Variants in MSRB2 observed in about 807,000 individuals in gnomAD.
MSRB2 encodes the protein methionine sulfoxide reductase B2, also known as methionine-R-sulfoxide reductase B2, mitochondrial.
Under a neutral mutation model 19.0 loss-of-function variants are expected in MSRB2, and 17 were observed. The ratio of observed to expected loss-of-function variants is 0.89; its 90% CI spans 0.61 to 1.34. The LOEUF (loss-of-function observed/expected upper bound fraction) is 1.34, where lower values mean the gene tolerates loss of function less well. MSRB2 is among the 40% of genes most tolerant of loss of function. MSRB2 has a pLI of 0.00. For synonymous variants in MSRB2, 107 were observed against 99.7 expected (o/e 1.07, Z -0.44); for missense variants, 208 against 237.6 (o/e 0.88, Z 0.82).
intron 1 of MSRB2, among the ~76,000 whole-genome samples, chr10:23,100,807 C>G (rs867606354): frequency 1.3e-5 from 2 of 152,156 alleles, no homozygotes; most frequent in African/African-American, 4.8e-5. Context: ...CAAACCATAT[C>G]AGAGGCAGTC....
intron 3 of MSRB2, among the ~76,000 whole-genome samples, chr10:23,113,795 C>T (rs1172738992): frequency 6.6e-6 from 1 of 152,094 alleles, no homozygotes; most frequent in Non-Finnish European, 1.5e-5. Context: ...TGGTGATCCG[C>T]AGCTACAAAC....
chr10:23,119,987 C>G (rs955136015), intron 4 of MSRB2, among the ~76,000 whole-genome samples: 2 of 152,256 alleles, frequency 1.3e-5, no homozygotes, highest in Admixed American at 6.5e-5. Context: ...TCTCCAGCCT[C>G]TCTCTAATGT....
At chr10:23,110,901 A>C (rs781038901) in intron 3 of MSRB2, among the ~76,000 whole-genome samples, 1 of 152,186 alleles carries the variant, frequency 6.6e-6, no homozygotes, top group East Asian at 1.9e-4. Flanking sequence ...TTTTTTGTTT[A>C]GACATGCAGG....
At chr10:23,120,571 A>G (rs1840170226) in intron 4 of MSRB2, among the ~76,000 whole-genome samples, 187 bp from the exon 5 acceptor site, 2 of 152,198 alleles carry the variant, frequency 1.3e-5, no homozygotes, top group Admixed American at 1.3e-4. Context: ...GATAAAGTAA[A>G]ACTATTTACC....
rs184959087 is a variant in MSRB2, at chr10:23,098,995, C to A, written c.118+3269C>A. 6.6e-5 allele frequency among the ~76,000 whole-genome samples: 10 copies of A among 152,298 alleles called. No individual in the cohort carries two copies. The East Asian group carries it at 1.7e-3, about 26-fold the overall frequency. ...GCTGCCTTCTTGCTGTGTCCCCAGG[C>A]GGCCTTTTCTCTGCTGTCCCTTCCT... is the stretch of plus-strand genomic sequence containing the variant. On this transcript the variant is annotated intron_variant, in intron 1 of 4. Transcript: ENST00000376510.
At chr10:23,101,026 G>C (rs1458165755) in intron 1 of MSRB2, among the ~76,000 whole-genome samples, 1 of 152,116 alleles carries the variant, frequency 6.6e-6, no homozygotes, top group Non-Finnish European at 1.5e-5. Flanking sequence ...AATTTCAATA[G>C]CTTTTGGGCG....
Position 23,115,400 on chromosome 10 carries a change from T to C in MSRB2, c.297-3904T>C, listed in dbSNP as rs904620366. Among the ~76,000 whole-genome samples the C allele has an allele frequency of 4.6e-5, 7 of 152,194 alleles. No homozygotes were observed. In the South Asian group the frequency reaches 1.0e-3, roughly 23 times the overall value. ...TGATACTAGTTCACCTTTTACGTAATATCCTGATGTCGTATGTACCATGAG... is the reference window on the plus strand; with the variant it reads ...TGATACTAGTTCACCTTTTACGTAACATCCTGATGTCGTATGTACCATGAG... On this transcript the variant is annotated intron_variant, in intron 3 of 4. Transcript: ENST00000376510.
chr10:23,097,265 T>C (rs973954412), intron 1 of MSRB2, among the ~76,000 whole-genome samples: 2 of 152,168 alleles, frequency 1.3e-5, no homozygotes, highest in Non-Finnish European at 2.9e-5. Flanking sequence ...AGATGCAGAT[T>C]TTGAGTCTTG....
At position 23,121,685 on chromosome 10, in the gene MSRB2, C is replaced by T. The variant is rs1450313578; in HGVS notation, c.*823C>T. ...CAAAAATTCCCTGCACCTTCCACTG[C>T]GTTTCAGTCCTTGACAGACATAAGT... is the stretch of plus-strand genomic sequence containing the variant. On this transcript the variant is annotated 3_prime_UTR_variant, in exon 5 of 5. Transcript: ENST00000376510. 2 of 152,186 alleles carry T rather than the reference C, an allele frequency of 1.3e-5. No individual in the cohort carries two copies. Among genetic ancestry groups the T allele is most frequent in the Non-Finnish European group, 2.9e-5 (2 of 68,070 alleles). The allele number at this position is 152,186 out of a possible 1,614,324, so 9.4% of individuals were successfully genotyped here.
chr10:23,095,864 C>G (rs544408687), intron 1 of MSRB2, 138 bp downstream of exon 1: 17 of 465,382 alleles, frequency 3.7e-5, no homozygotes, highest in East Asian at 7.7e-5. Flanking sequence ...CCCCTCCCCC[C>G]CCCCAGCCCG....
chr10:23,097,162 C>A (rs186119419), intron 1 of MSRB2, among the ~76,000 whole-genome samples: 1 of 152,158 alleles, frequency 6.6e-6, no homozygotes, highest in African/African-American at 2.4e-5. Context: ...GAAATACTTA[C>A]GTAAATCATG....
chr10:23,118,346 T>TGG (rs1001833977), intron 3 of MSRB2, among the ~76,000 whole-genome samples: 1 of 149,448 alleles, frequency 6.7e-6, no homozygotes, highest in African/African-American at 2.5e-5. Flanking sequence ...TGTTTTTTTT[T>TGG]TTTTTTTTTT....
chr10:23,104,063 C>T, intron 1 of MSRB2, 81 bp from the exon 2 acceptor site: 2 of 1,101,632 alleles, frequency 1.8e-6, no homozygotes, highest in East Asian at 4.9e-5. Context: ...GGTGACAGTA[C>T]ACTTAGGGAA....
rs532873592 is a variant in MSRB2 at position 23,119,159 on chromosome 10, G to T, written c.297-145G>T. On this transcript the variant is annotated intron_variant, in intron 3 of 4. Transcript: ENST00000376510. ...GGTGCAGTGAGGACGATTCCGGGGG[G>T]ACTGACTGTCGAATAACTGGGCATG... 38 of 1,004,300 alleles carry T rather than the reference G, an allele frequency of 3.8e-5. No individual in the cohort carries two copies. The Middle Eastern group carries it at 6.0e-4, about 16-fold the overall frequency. The allele number at this position is 1,004,300 out of a possible 1,614,324, so 62.2% of individuals were successfully genotyped here. A position where few individuals can be genotyped will look rare whatever the true frequency, so the allele number is the denominator to read the frequency against.
At chr10:23,119,234 A>G (rs978133551) in intron 3 of MSRB2, 70 bp from the exon 4 acceptor site, 57 of 1,574,428 alleles carry the variant, frequency 3.6e-5, no homozygotes, top group Non-Finnish European at 4.7e-5. Flanking sequence ...GGAACAACAC[A>G]TCGGGGCACC....
chr10:23,119,397 G>A lies in MSRB2; in HGVS notation c.390G>A (p.Leu130=). 2 of 1,614,182 alleles carry A rather than the reference G, an allele frequency of 1.2e-6. No homozygotes were observed. The highest frequency in any genetic ancestry group is 1.3e-5 in the African/African-American group (1 of 75,052). The change falls in exon 4 of 5, where the codon CTG becomes CTA. Residue 130 remains leucine (L), a synonymous_variant. Coordinates refer to ENST00000376510, the MANE Select transcript of MSRB2 (RefSeq NM_012228.4). ...SGSDESHTGI[L]RRLDTSLGSA... is the part of the protein sequence containing the mutation. ...CTGATGAAAGCCACACAGGGATCCT[G>A]AGACGTCTGGATACCTCGTTAGGAT...
At chr10:23,100,661 T>C (rs1233968309) in intron 1 of MSRB2, among the ~76,000 whole-genome samples, 2 of 151,942 alleles carry the variant, frequency 1.3e-5, no homozygotes, top group Admixed American at 1.3e-4. Flanking sequence ...AACAACCAGA[T>C]CTCTCGATAA....
chr10:23,107,670 A>G (rs1301877733), intron 2 of MSRB2, among the ~76,000 whole-genome samples: 1 of 152,182 alleles, frequency 6.6e-6, no homozygotes, highest in East Asian at 1.9e-4. Context: ...ACCACATGGT[A>G]TAAATTGTCA....
intron 1 of MSRB2, among the ~76,000 whole-genome samples, chr10:23,098,461 G>A (rs1305587485): frequency 2.0e-5 from 3 of 152,182 alleles, no homozygotes; most frequent in Non-Finnish European, 4.4e-5. Context: ...AGTTTATTAA[G>A]GCATAATTCA....
Sources: allele counts gnomAD v4.1 joint callset (sites outside exome capture counted in the v4.1 genomes callset), GRCh38; gene constraint gnomAD v4.1.1; transcripts MANE v1.5; gene names NCBI Gene and HGNC (gene_info 2026-07-23, HGNC 2026-07-21).